Variants in CDH18 observed in about 807,000 individuals in gnomAD.
CDH18 encodes the protein cadherin 18.
In CDH18, 31 loss-of-function variants were observed where a neutral mutation model predicts 67.9. That is an observed-to-expected ratio of 0.46 (90% confidence interval 0.34 to 0.62). The LOEUF is 0.62. Among genes scored for constraint, CDH18 ranks in the 20% least tolerant of loss-of-function variants. CDH18 has a pLI of 0.01. For synonymous variants in CDH18, 362 were observed against 347.2 expected (o/e 1.04, Z -0.48); for missense variants, 890 against 975.5 (o/e 0.91, Z 1.17).
At chr5:19,609,600 C>G (rs552927346) in intron 6 of CDH18, among the ~76,000 whole-genome samples, 357 of 152,086 alleles carry the variant, frequency 2.3e-3, no homozygotes, top group Middle Eastern at 3.4e-3. Context: ...AACTAATTAC[C>G]ATGCAATATA....
intron 1 of CDH18, among the ~76,000 whole-genome samples, chr5:20,561,572 G>C (rs1758218917): frequency 6.6e-6 from 1 of 151,986 alleles, no homozygotes; most frequent in Non-Finnish European, 1.5e-5. Flanking sequence ...AAAAAGATCA[G>C]TAGTTGCCAG....
At chr5:20,205,589 T>C (rs993455147) in intron 2 of CDH18, among the ~76,000 whole-genome samples, 1 of 152,034 alleles carries the variant, frequency 6.6e-6, no homozygotes, top group Admixed American at 6.6e-5. Context: ...CTTGGAACAA[T>C]CTTCAGAATA....
At chr5:19,669,293 T>A (rs1034818503) in intron 5 of CDH18, among the ~76,000 whole-genome samples, 1 of 147,560 alleles carries the variant, frequency 6.8e-6, no homozygotes. Context: ...AAATATTATA[T>A]AATATATATA....
chr5:19,615,333 A>G (rs1749653198), intron 5 of CDH18, among the ~76,000 whole-genome samples: 1 of 152,144 alleles, frequency 6.6e-6, no homozygotes, highest in Non-Finnish European at 1.5e-5. Flanking sequence ...TTCTGGGATC[A>G]CTTAAAGTAC....
intron 1 of CDH18, among the ~76,000 whole-genome samples, chr5:20,476,195 G>A (rs1185094063): frequency 6.6e-6 from 1 of 152,170 alleles, no homozygotes; most frequent in Non-Finnish European, 1.5e-5. Context: ...TGACCACAAT[G>A]ATTGGTTGAG....
chr5:19,736,538 TATA>T (rs1367748282), intron 4 of CDH18, among the ~76,000 whole-genome samples: 2 of 152,194 alleles, frequency 1.3e-5, no homozygotes, highest in Non-Finnish European at 1.5e-5. Flanking sequence ...AGATGTTTAA[TATA>T]ATTTCTGTAG....
intron 2 of CDH18, among the ~76,000 whole-genome samples, chr5:20,191,588 C>T (rs938976086): frequency 6.6e-6 from 1 of 152,000 alleles, no homozygotes. Flanking sequence ...GTTCAACCCC[C>T]ACTTATGAAT....
At chr5:20,460,397 A>C in intron 1 of CDH18, among the ~76,000 whole-genome samples, 1 of 105,570 alleles carries the variant, frequency 9.5e-6, no homozygotes, top group African/African-American at 4.0e-5. Flanking sequence ...ATCTCTAAAT[A>C]CATAAATAAA....
chr5:19,957,931 C>T (rs1327802882), intron 2 of CDH18, among the ~76,000 whole-genome samples: 1 of 151,958 alleles, frequency 6.6e-6, no homozygotes, highest in South Asian at 2.1e-4. Flanking sequence ...AATTTTCATG[C>T]CAAAACATCA....
chr5:19,550,403 TC>T lies in CDH18; in HGVS notation c.1254-6399del, dbSNP rs201102801. ...GCATTAGGTATATCTCCCAATGCTA[TC>T]CCTCCCCACTCCCCCCACCCCACAA... On this transcript the variant is annotated intron_variant, in intron 8 of 12. Coordinates refer to ENST00000382275, the MANE Select transcript of CDH18 (RefSeq NM_004934.5). 3.2e-3 allele frequency among the ~76,000 whole-genome samples: 479 copies of T among 152,062 alleles called. 26 individuals are homozygous for T. The East Asian group carries it at 0.084, about 27-fold the overall frequency.
intron 2 of CDH18, among the ~76,000 whole-genome samples, chr5:20,186,683 T>A (rs12187299): frequency 0.7 from 105,776 of 151,722 alleles, 37,509 homozygotes; most frequent in African/African-American, 0.84. Context: ...AAATGTTAGA[T>A]CCCTTGTACA....
At chr5:19,904,136 TG>T (rs1444599781) in intron 2 of CDH18, among the ~76,000 whole-genome samples, 5 of 151,470 alleles carry the variant, frequency 3.3e-5, no homozygotes, top group Admixed American at 2.6e-4. Flanking sequence ...TAGCCAGGCT[TG>T]GTGGCGGGCG....
intron 9 of CDH18, among the ~76,000 whole-genome samples, chr5:19,521,291 A>G (rs1746863614): frequency 6.6e-6 from 1 of 152,208 alleles, no homozygotes; most frequent in African/African-American, 2.4e-5. Flanking sequence ...AAAAATAAAT[A>G]ATAATTGAAA....
At chr5:20,236,287 A>C (rs991065236) in intron 2 of CDH18, among the ~76,000 whole-genome samples, 13 of 151,676 alleles carry the variant, frequency 8.6e-5, no homozygotes, top group African/African-American at 3.1e-4. Flanking sequence ...TAAATAAATA[A>C]AAGCAGCTGG....
intron 10 of CDH18, among the ~76,000 whole-genome samples, chr5:19,511,937 T>C (rs1745189579): frequency 6.6e-6 from 1 of 152,128 alleles, no homozygotes; most frequent in African/African-American, 2.4e-5. Context: ...CCAGGGTATG[T>C]CAGAGGTGTC....
chr5:20,196,294 T>C (rs888490177), intron 2 of CDH18, among the ~76,000 whole-genome samples: 3 of 152,208 alleles, frequency 2.0e-5, no homozygotes, highest in African/African-American at 7.2e-5. Context: ...ATTTTAAATA[T>C]ATATACTTTT....
At chr5:20,390,354 A>G (rs1580887953) in intron 1 of CDH18, among the ~76,000 whole-genome samples, 3 of 152,342 alleles carry the variant, frequency 2.0e-5, no homozygotes, top group African/African-American at 7.2e-5. Flanking sequence ...TTCTCAAAGG[A>G]GAGATTTATG....
intron 1 of CDH18, among the ~76,000 whole-genome samples, chr5:20,384,155 G>A (rs956357762): frequency 6.6e-6 from 1 of 152,084 alleles, no homozygotes; most frequent in African/African-American, 2.4e-5. Context: ...TAACAATACA[G>A]TATTCTCAAC....
At chr5:19,482,216 T>C (rs376530765) in intron 12 of CDH18, among the ~76,000 whole-genome samples, 16 of 152,086 alleles carry the variant, frequency 1.1e-4, no homozygotes, top group African/African-American at 3.9e-4. Context: ...CCCAGGTTCA[T>C]GCCATTCTCC....
Sources: allele counts gnomAD v4.1 joint callset (sites outside exome capture counted in the v4.1 genomes callset), GRCh38; gene constraint gnomAD v4.1.1; transcripts MANE v1.5; gene names NCBI Gene and HGNC (gene_info 2026-07-23, HGNC 2026-07-21).